FHIT: variants seen among roughly 807,000 people sequenced by gnomAD.
FHIT encodes the protein fragile histidine triad diadenosine triphosphatase, also known as bis(5'-adenosyl)-triphosphatase.
In FHIT, 19 loss-of-function variants were observed where a neutral mutation model predicts 17.9. The ratio of observed to expected loss-of-function variants is 1.06; its 90% CI spans 0.74 to 1.56. The LOEUF (loss-of-function observed/expected upper bound fraction) is 1.56. Ranked by LOEUF, FHIT falls within the 40% of genes most tolerant of loss-of-function variation. The pLI, the probability that FHIT is intolerant of heterozygous loss-of-function variation, is 0.00. For synonymous variants in FHIT, 81 were observed against 69.7 expected (o/e 1.16, Z -0.81); for missense variants, 248 against 189.2 (o/e 1.31, Z -1.82).
rs192412838 is a variant in FHIT at position 60,920,898 on chromosome 3, C to T, written c.-110-98887G>A. Among the ~76,000 whole-genome samples the T allele has an allele frequency of 3.1e-4, 47 of 152,208 alleles. No homozygotes were observed. In the East Asian group the frequency reaches 8.3e-3, roughly 27 times the overall value. On this transcript the variant is annotated intron_variant, in intron 3 of 9. Coordinates refer to ENST00000492590, the MANE Select transcript of FHIT (RefSeq NM_002012.4). ...AGAGAGTTTTGAGTTAAGGACTGAA[C>T]AAGAAAAATAATGTTTCAAATTTCA...
At chr3:60,517,061 T>C (rs758931743) in intron 5 of FHIT, among the ~76,000 whole-genome samples, 3 of 152,198 alleles carry the variant, frequency 2.0e-5, no homozygotes, top group Admixed American at 6.5e-5. Flanking sequence ...TTCTGTTGCA[T>C]TTTGGCTATA....
chr3:60,413,646 A>G (rs1269244481), intron 5 of FHIT, among the ~76,000 whole-genome samples: 1 of 59,638 alleles, frequency 1.7e-5, no homozygotes, highest in African/African-American at 6.9e-5. Flanking sequence ...GACTGCAGGG[A>G]ACTCTGTGTG....
chr3:59,973,820 G>T (rs1708290971), intron 7 of FHIT, among the ~76,000 whole-genome samples: 1 of 152,034 alleles, frequency 6.6e-6, no homozygotes, highest in Admixed American at 6.6e-5. Context: ...TGGCACAAAG[G>T]AGAGGTTCCA....
At chr3:61,067,857 A>G (rs1247960978) in intron 2 of FHIT, among the ~76,000 whole-genome samples, 1 of 152,222 alleles carries the variant, frequency 6.6e-6, no homozygotes, top group African/African-American at 2.4e-5. Context: ...TTTGGTCAGA[A>G]CTTAGTCAAA....
intron 5 of FHIT, among the ~76,000 whole-genome samples, chr3:60,023,243 T>C (rs1344369800): frequency 6.6e-6 from 1 of 152,208 alleles, no homozygotes; most frequent in Non-Finnish European, 1.5e-5. Context: ...AAAAGCTTTT[T>C]AGTGAAGTAG....
intron 8 of FHIT, among the ~76,000 whole-genome samples, chr3:59,834,665 T>C (rs75220541): frequency 0.012 from 1,755 of 152,218 alleles, 37 homozygotes; most frequent in African/African-American, 0.039. Context: ...ATAAGGGCAC[T>C]AATCCCATTC....
chr3:60,503,126 C>G (rs936023724), intron 5 of FHIT, among the ~76,000 whole-genome samples: 1 of 152,168 alleles, frequency 6.6e-6, no homozygotes, highest in Non-Finnish European at 1.5e-5. Context: ...TGACTTTGGT[C>G]AAACTGCTTA....
intron 4 of FHIT, among the ~76,000 whole-genome samples, chr3:60,699,700 T>TA (rs56396940): frequency 0.039 from 5,447 of 141,014 alleles, 225 homozygotes; most frequent in East Asian, 0.1. Context: ...AAAAAAAAAT[T>TA]AAAAAAAAAA....
chr3:60,695,777 G>C (rs2041100705), intron 4 of FHIT, among the ~76,000 whole-genome samples: 1 of 152,170 alleles, frequency 6.6e-6, no homozygotes, highest in South Asian at 2.1e-4. Flanking sequence ...GTAATCTTGA[G>C]CAACGTATTT....
rs1316624916 is a variant in FHIT at position 60,666,351 on chromosome 3, A to G, written c.-17-129372T>C. On this transcript the variant is annotated intron_variant, in intron 4 of 9. Coordinates refer to ENST00000492590, the MANE Select transcript of FHIT (RefSeq NM_002012.4). The stretch of plus-strand genomic sequence containing the variant: ...TTTATTTCCTCTTCACTCTGGAAGT[A>G]TAGTTTTTCCAGACATAGAATTTAC... 5.9e-5 allele frequency among the ~76,000 whole-genome samples: 9 copies of G among 152,290 alleles called. 2 individuals carry two copies. The South Asian group carries it at 1.5e-3, about 25-fold the overall frequency.
chr3:60,405,749 T>C (rs1701832558), intron 5 of FHIT, among the ~76,000 whole-genome samples: 1 of 152,214 alleles, frequency 6.6e-6, no homozygotes, highest in Non-Finnish European at 1.5e-5. Context: ...AGGAGGGTGC[T>C]ACAGGCATCT....
chr3:61,238,533 A>G (rs1316994390), intron 1 of FHIT, among the ~76,000 whole-genome samples: 1 of 152,230 alleles, frequency 6.6e-6, no homozygotes, highest in East Asian at 1.9e-4. Flanking sequence ...AAGCTGTAAA[A>G]AGTATAAGAA....
chr3:60,391,299 TTTA>T (rs1701223655), intron 5 of FHIT, among the ~76,000 whole-genome samples: 1 of 152,210 alleles, frequency 6.6e-6, no homozygotes, highest in Non-Finnish European at 1.5e-5. Flanking sequence ...TTTTTGTTTA[TTTA>T]TTTTCTTTTT....
chr3:59,750,206 CTTCTTAAAG>C (rs1464942842), intron 9 of FHIT: 15 of 226,000 alleles, frequency 6.6e-5, no homozygotes, highest in African/African-American at 1.8e-4. Context: ...AAGTTTGAAT[CTTCTTAAAG>C]TTCTTAAAGT....
chr3:60,159,213 T>A (rs1031904829), intron 5 of FHIT, among the ~76,000 whole-genome samples: 1 of 152,070 alleles, frequency 6.6e-6, no homozygotes, highest in African/African-American at 2.4e-5. Context: ...CTCAACCTCC[T>A]GGGCTCAGAT....
chr3:60,017,514 G>C (rs910033764), intron 5 of FHIT, among the ~76,000 whole-genome samples: 2 of 152,180 alleles, frequency 1.3e-5, no homozygotes, highest in Non-Finnish European at 2.9e-5. Context: ...TCTATCACTG[G>C]GTCAGGTTGT....
At chr3:61,101,652 G>C (rs116343779) in intron 2 of FHIT, among the ~76,000 whole-genome samples, 1 of 152,018 alleles carries the variant, frequency 6.6e-6, no homozygotes, top group South Asian at 2.1e-4. Flanking sequence ...GGCAGGATGG[G>C]CATTTTAATG....
At chr3:61,192,283 G>T (rs538914493) in intron 2 of FHIT, among the ~76,000 whole-genome samples, 1 of 152,242 alleles carries the variant, frequency 6.6e-6, no homozygotes, top group Non-Finnish European at 1.5e-5. Context: ...TATTCTGATG[G>T]GTTTTTATTT....
At chr3:60,114,532 G>T (rs1488930415) in intron 5 of FHIT, among the ~76,000 whole-genome samples, 2 of 102,880 alleles carry the variant, frequency 1.9e-5, no homozygotes, top group South Asian at 3.3e-4. Context: ...GTCTCAGTCT[G>T]TTTCCCAGGC....
Sources: gnomAD v4.1 joint callset for allele counts (sites outside exome capture counted in the v4.1 genomes callset) on GRCh38, gnomAD v4.1.1 for gene constraint, MANE v1.5 for transcripts, NCBI Gene and HGNC (gene_info 2026-07-23, HGNC 2026-07-21) for gene names.